The following TENM2 variants were observed in gnomAD, a reference collection of about 807,000 sequenced individuals.
TENM2 encodes the protein teneurin transmembrane protein 2, also known as teneurin-2.
TENM2 carries 52 observed loss-of-function variants against 245.2 expected under a neutral mutation model. The ratio of observed to expected loss-of-function variants is 0.21; its 90% CI spans 0.17 to 0.27. The LOEUF (loss-of-function observed/expected upper bound fraction) is 0.27. Among genes scored for constraint, TENM2 ranks in the 10% least tolerant of loss-of-function variants. The pLI is 1.00. For synonymous variants in TENM2, 1,363 were observed against 1,438.9 expected, an observed-to-expected ratio of 0.95 and a Z score of 1.19; for missense variants, 3,046 against 3,666.8, an observed-to-expected ratio of 0.83 and a Z score of 4.37.
intron 5 of TENM2, among the ~76,000 whole-genome samples, chr5:168,034,093 G>GTATACATATATATGTGTA (rs1787402869): frequency 8.2e-6 from 1 of 122,510 alleles, no homozygotes; most frequent in Admixed American, 8.8e-5. Flanking sequence ...ATATATATGT[G>GTATACATATATATGTGTA]TATATATATA....
intron 3 of TENM2, among the ~76,000 whole-genome samples, chr5:167,931,256 T>C (rs1194940136): frequency 2.0e-5 from 3 of 152,202 alleles, no homozygotes; most frequent in African/African-American, 4.8e-5. Context: ...AACAGATATA[T>C]ACAGTATCAC....
chr5:168,058,281 A>G (rs887229455), intron 6 of TENM2, among the ~76,000 whole-genome samples: 2 of 152,202 alleles, frequency 1.3e-5, no homozygotes, highest in African/African-American at 2.4e-5. Context: ...ATGGATTTGT[A>G]GAGTTTGATC....
chr5:167,968,346 A>G (rs1182827742), intron 4 of TENM2, among the ~76,000 whole-genome samples: 2 of 152,138 alleles, frequency 1.3e-5, no homozygotes, highest in Non-Finnish European at 2.9e-5. Flanking sequence ...TTCTTGCTCA[A>G]AATAACTGTT....
chr5:167,224,279 T>G, the TENM2 span, among the ~76,000 whole-genome samples: 1 of 152,080 alleles, frequency 6.6e-6, no homozygotes, highest in African/African-American at 2.4e-5. Flanking sequence ...ACCAATATCC[T>G]GAATAGTTTT....
At chr5:167,077,562 C>T in the TENM2 span, among the ~76,000 whole-genome samples, 2 of 152,172 alleles carry the variant, frequency 1.3e-5, no homozygotes, top group African/African-American at 4.8e-5. Flanking sequence ...CATACATTAT[C>T]ATAAAGAATA....
intron 2 of TENM2, among the ~76,000 whole-genome samples, chr5:167,673,064 T>A (rs1756069722): frequency 6.6e-6 from 1 of 152,060 alleles, no homozygotes; most frequent in South Asian, 2.1e-4. Flanking sequence ...AGGCTTTGTA[T>A]AAAAAGCATT....
At chr5:167,849,028 A>ACAGTT in intron 2 of TENM2, among the ~76,000 whole-genome samples, 1 of 152,304 alleles carries the variant, frequency 6.6e-6, no homozygotes, top group East Asian at 1.9e-4. Context: ...GATCTATCTT[A>ACAGTT]CAGTTCTCTA....
intron 2 of TENM2, among the ~76,000 whole-genome samples, chr5:167,814,160 C>A (rs949118052): frequency 6.6e-6 from 1 of 152,114 alleles, no homozygotes; most frequent in African/African-American, 2.4e-5. Context: ...AGCTAATACA[C>A]GTTTGATCTA....
chr5:167,145,835 A>C, the TENM2 span, among the ~76,000 whole-genome samples: 1 of 152,308 alleles, frequency 6.6e-6, no homozygotes, highest in African/African-American at 2.4e-5. Flanking sequence ...ATGATAGTCC[A>C]TGTTCCCCTT....
At chr5:168,100,836 A>G (rs985895515) in intron 9 of TENM2, among the ~76,000 whole-genome samples, 2 of 151,830 alleles carry the variant, frequency 1.3e-5, no homozygotes, top group African/African-American at 4.8e-5. Context: ...AAACCAGATG[A>G]CAGGTTGATG....
intron 3 of TENM2, among the ~76,000 whole-genome samples, chr5:167,923,396 C>G (rs938247189): frequency 2.0e-5 from 3 of 152,048 alleles, no homozygotes. Context: ...AGCACACCAC[C>G]TGGTCTACCT....
chr5:167,008,486 T>G, the TENM2 span, among the ~76,000 whole-genome samples: 2 of 152,122 alleles, frequency 1.3e-5, no homozygotes, highest in East Asian at 3.9e-4. Flanking sequence ...GTCAAACCAG[T>G]TTTTATTACA....
At chr5:168,199,842 C>T (rs1363049649) in intron 16 of TENM2, 22 bp from the exon 19 acceptor site, 10 of 1,608,746 alleles carry the variant, frequency 6.2e-6, no homozygotes, top group Non-Finnish European at 8.5e-6. Flanking sequence ...AGGTGTGTGT[C>T]TGCCATGTGT....
intron 12 of TENM2, 38 bp from the exon 15 acceptor site, chr5:168,162,573 A>C: frequency 3.1e-6 from 5 of 1,605,278 alleles, no homozygotes; most frequent in Non-Finnish European, 4.3e-6. Context: ...GCGCGGCCTC[A>C]CGTCCCTCCT....
chr5:168,172,338 C>G (rs551359510), intron 13 of TENM2, among the ~76,000 whole-genome samples: 3 of 152,214 alleles, frequency 2.0e-5, no homozygotes, highest in African/African-American at 7.2e-5. Context: ...TTTGAAAGGA[C>G]GTGATGTCCA....
the TENM2 span, among the ~76,000 whole-genome samples, chr5:167,056,009 A>G: frequency 1.3e-5 from 2 of 151,976 alleles, no homozygotes; most frequent in Non-Finnish European, 2.9e-5. Flanking sequence ...GAAAGCTTCA[A>G]GTTTTCACCA....
intron 9 of TENM2, among the ~76,000 whole-genome samples, chr5:168,111,400 A>G (rs1050893332): frequency 1.3e-5 from 2 of 151,928 alleles, no homozygotes; most frequent in Non-Finnish European, 2.9e-5. Context: ...GAAACCAACT[A>G]AAGCGTCTGA....
At chr5:167,351,640 G>A (rs1330899804) in intron 1 of TENM2, among the ~76,000 whole-genome samples, 1 of 152,158 alleles carries the variant, frequency 6.6e-6, no homozygotes, top group African/African-American at 2.4e-5. Context: ...GAAGCTGAAT[G>A]GAGCCTTGGA....
At chr5:168,185,628 A>G (rs1428915925) in intron 13 of TENM2, among the ~76,000 whole-genome samples, 1 of 134,612 alleles carries the variant, frequency 7.4e-6, no homozygotes, top group African/African-American at 2.7e-5. Context: ...GCTTTGCAGG[A>G]TTTCCATGAA....
Sources: gnomAD v4.1 joint callset for allele counts (sites outside exome capture counted in the v4.1 genomes callset) on GRCh38, gnomAD v4.1.1 for gene constraint, MANE v1.5 for transcripts, NCBI Gene and HGNC (gene_info 2026-07-23, HGNC 2026-07-21) for gene names.